Variants in BCAS3 observed in about 807,000 individuals in gnomAD.
BCAS3 encodes the protein BCAS3 microtubule associated cell migration factor.
In BCAS3, 53 loss-of-function variants were observed where a neutral mutation model predicts 116.1. The observed-to-expected ratio is 0.46, with a 90% confidence interval of 0.37 to 0.57. BCAS3 has a LOEUF of 0.57. Among genes scored for constraint, BCAS3 ranks in the 20% least tolerant of loss-of-function variants. The pLI is 0.00. For missense variants in BCAS3, 917 were observed against 1,165.4 expected (o/e 0.79, Z 3.10); for synonymous variants, 391 against 408.2 (o/e 0.96, Z 0.51).
At chr17:61,176,525 C>CTATT (rs139505219) in intron 22 of BCAS3, among the ~76,000 whole-genome samples, 8,402 of 145,524 alleles carry the variant, frequency 0.058, 279 homozygotes, top group South Asian at 0.12. Flanking sequence ...TGTGTAATGT[C>CTATT]TATTTATTTA....
intron 15 of BCAS3, among the ~76,000 whole-genome samples, chr17:61,011,511 C>G (rs1196969564): frequency 9.9e-5 from 15 of 152,182 alleles, no homozygotes; most frequent in African/African-American, 3.6e-4. Flanking sequence ...CATCTGGCAA[C>G]CTTCTGAAGT....
intron 22 of BCAS3, among the ~76,000 whole-genome samples, chr17:61,298,799 T>C (rs1308696434): frequency 7.4e-6 from 1 of 134,830 alleles, no homozygotes; most frequent in African/African-American, 3.1e-5. Context: ...CCATTATTTA[T>C]TTATTTATTT....
At chr17:60,766,303 G>A (rs1258250391) in intron 6 of BCAS3, among the ~76,000 whole-genome samples, 1 of 152,126 alleles carries the variant, frequency 6.6e-6, no homozygotes, top group Non-Finnish European at 1.5e-5. Flanking sequence ...TTCTGCTCTG[G>A]TTTCTCCCCA....
chr17:61,368,479 G>A lies in BCAS3; in HGVS notation c.2578G>A (p.Val860Met), dbSNP rs746590680. ...AMAESPSRDV[V>M]GSGTELQREG... ...GGCCGAGTCACCTAGCCGGGACGTC[G>A]TGGGATCCGGAACAGGTAAAGGTGT... is the stretch of plus-strand genomic sequence containing the variant. The change falls in exon 23 of 24, where the codon GTG becomes ATG. Residue 860 changes from valine (V) to methionine (M), a missense_variant. Physicochemically the swap from Val to Met is conservative, Grantham distance 21. Coordinates refer to ENST00000407086, the MANE Select transcript of BCAS3 (RefSeq NM_017679.5). The surrounding 1 kb of genome is among the most constrained non-coding windows in gnomAD (Gnocchi z 6.0). 55 of 1,606,878 alleles carry A rather than the reference G, an allele frequency of 3.4e-5. 1 individual carries two copies. In the Middle Eastern group the frequency reaches 6.6e-4, roughly 19 times the overall value.
In BCAS3 at chr17:61,056,611, G is replaced by A. The variant is rs1232482013; in HGVS notation, c.2029+15719G>A. ...AGAACTTACTGATGTTGTGTTTATT[G>A]TTATATATACTGGCTTGTTTATTTT... On this transcript the variant is annotated intron_variant, in intron 19 of 23. Transcript: ENST00000407086. The surrounding 1 kb of genome is among the most constrained non-coding windows in gnomAD (Gnocchi z 4.9). Among the ~76,000 whole-genome samples the A allele has an allele frequency of 1.3e-5, 2 of 152,034 alleles. No individual in the cohort carries two copies. Among genetic ancestry groups the A allele is most frequent in the Admixed American group, 6.6e-5 (1 of 15,258 alleles).
chr17:61,117,985 A>G (rs2075576485), intron 22 of BCAS3, among the ~76,000 whole-genome samples: 1 of 152,090 alleles, frequency 6.6e-6, no homozygotes, highest in African/African-American at 2.4e-5. Flanking sequence ...TTGTCAGATA[A>G]TTTTAGGATC....
Position 60,990,629 on chromosome 17 carries a change from T to C in BCAS3, c.1486+394T>C, listed in dbSNP as rs915421448. On this transcript the variant is annotated intron_variant, in intron 15 of 23. Coordinates refer to ENST00000407086, the MANE Select transcript of BCAS3 (RefSeq NM_017679.5). The surrounding 1 kb of genome is among the most constrained non-coding windows in gnomAD (Gnocchi z 5.1). The stretch of plus-strand genomic sequence containing the variant: ...AAGAAATAGTCATGGGTAATGTGTA[T>C]TTTAGATAGAGCAGCATTTGCTTTT... Among the ~76,000 whole-genome samples the C allele has an allele frequency of 6.6e-6, 1 of 152,138 alleles. No individual in the cohort carries two copies. The highest frequency in any genetic ancestry group is 1.5e-5 in the Non-Finnish European group (1 of 68,022).
intron 7 of BCAS3, among the ~76,000 whole-genome samples, chr17:60,826,511 A>G (rs374559402): frequency 9.2e-5 from 14 of 152,118 alleles, no homozygotes; most frequent in South Asian, 8.3e-4. Flanking sequence ...ATTTTGGGGG[A>G]CACATTCAGA....
rs2058514922 is a variant in BCAS3, at chr17:61,362,664, C to G, written c.2426-5663C>G. 2 of 152,188 alleles carry G rather than the reference C, an allele frequency of 1.3e-5. No homozygotes were observed. The highest frequency in any genetic ancestry group is 1.3e-4 in the Admixed American group (2 of 15,262). 9.4% of individuals were successfully genotyped at this position (152,188 alleles called of 1,614,324 possible). A position where few individuals can be genotyped will look rare whatever the true frequency, so the allele number is the denominator to read the frequency against. On this transcript the variant is annotated intron_variant, in intron 22 of 23. Transcript: ENST00000407086. This position sits in a 1 kb window ranked among gnomAD's most constrained non-coding sequence, Gnocchi z 4.4. ...GGTTTGTGAAACCCAAGAACCTGAC[C>G]CATTTCTCCTCTGGGGAAAGAGTAT...
chr17:61,313,657 G>A lies in BCAS3; in HGVS notation c.2426-54670G>A, dbSNP rs534258330. ...CCCTCGGGTCCTGCTCGCTGAAGAGGTACAGCATCTGGAGGAGGACTTTCC... is the reference window on the plus strand; with the variant it reads ...CCCTCGGGTCCTGCTCGCTGAAGAGATACAGCATCTGGAGGAGGACTTTCC... On this transcript the variant is annotated intron_variant, in intron 22 of 23. Transcript: ENST00000407086. The surrounding 1 kb of genome is among the most constrained non-coding windows in gnomAD (Gnocchi z 4.3). 6.4e-4 allele frequency among the ~76,000 whole-genome samples: 97 copies of A among 152,326 alleles called. No individual in the cohort carries two copies. Among genetic ancestry groups the A allele is most frequent in the Admixed American group, 1.3e-3 (20 of 15,304 alleles).
At chr17:61,154,159 GT>G (rs1283142934) in intron 22 of BCAS3, among the ~76,000 whole-genome samples, 1 of 151,996 alleles carries the variant, frequency 6.6e-6, no homozygotes, top group Non-Finnish European at 1.5e-5. Context: ...CTTTTCCCTT[GT>G]TTTGTTTTGA....
Position 60,710,644 on chromosome 17 carries a change from G to A in BCAS3, c.321+1319G>A, listed in dbSNP as rs1021951214. 2.0e-5 allele frequency among the ~76,000 whole-genome samples: 3 copies of A among 151,826 alleles called. No homozygotes were observed. The East Asian group carries it at 5.9e-4, about 30-fold the overall frequency. ...GATGGGGTTTCACCACGTTAGCCAG[G>A]ATGATCTTGATCTGCTGACCTCGTG... On this transcript the variant is annotated intron_variant, in intron 5 of 23. Coordinates refer to ENST00000407086, the MANE Select transcript of BCAS3 (RefSeq NM_017679.5).
intron 6 of BCAS3, among the ~76,000 whole-genome samples, chr17:60,760,329 G>T (rs1057434538): frequency 2.0e-5 from 3 of 152,024 alleles, no homozygotes; most frequent in Admixed American, 6.6e-5. Context: ...TAGGGTATGT[G>T]TTATTCTTTT....
intron 15 of BCAS3, among the ~76,000 whole-genome samples, chr17:61,009,236 T>C (rs1315391642): frequency 6.6e-6 from 1 of 152,070 alleles, no homozygotes; most frequent in Non-Finnish European, 1.5e-5. Flanking sequence ...TTAGCTCTTT[T>C]TGCAAATGAA....
chr17:61,341,814 A>C (rs2057177425), intron 22 of BCAS3, among the ~76,000 whole-genome samples: 1 of 152,252 alleles, frequency 6.6e-6, no homozygotes, highest in Non-Finnish European at 1.5e-5. Context: ...AAAATATCTT[A>C]AAGTCAGTAG....
intron 22 of BCAS3, among the ~76,000 whole-genome samples, chr17:61,120,533 T>C (rs2075731851): frequency 6.6e-6 from 1 of 152,086 alleles, no homozygotes. Flanking sequence ...TTCAAATATA[T>C]GCAGATATAG....
In BCAS3 at chr17:61,349,395, G is replaced by A. The variant is rs185053684; in HGVS notation, c.2426-18932G>A. ...TGTCATGAATCCCTCAGATGTGTGG[G>A]ATGGAAATGCTAACCCACTGACCGA... On this transcript the variant is annotated intron_variant, in intron 22 of 23. Transcript: ENST00000407086. This position sits in a 1 kb window ranked among gnomAD's most constrained non-coding sequence, Gnocchi z 4.7. Among the ~76,000 whole-genome samples the A allele has an allele frequency of 1.2e-4, 19 of 152,288 alleles. No individual in the cohort carries two copies. Among genetic ancestry groups the A allele is most frequent in the African/African-American group, 4.6e-4 (19 of 41,560 alleles).
intron 2 of BCAS3, among the ~76,000 whole-genome samples, chr17:60,682,130 G>A (rs142366028): frequency 3.9e-5 from 6 of 152,280 alleles, no homozygotes; most frequent in Non-Finnish European, 7.3e-5. Flanking sequence ...ATTGTGCACC[G>A]TGTACTACAA....
intron 22 of BCAS3, among the ~76,000 whole-genome samples, chr17:61,090,924 G>A (rs1037151183): frequency 2.6e-5 from 4 of 152,148 alleles, no homozygotes; most frequent in African/African-American, 9.7e-5. Context: ...CAAAGTGCTG[G>A]GATTACAGGC....
Sources: gnomAD v4.1 joint callset for allele counts (sites outside exome capture counted in the v4.1 genomes callset) on GRCh38, gnomAD v4.1.1 for gene constraint, Gnocchi (gnomAD v3.1) non-coding constraint, MANE v1.5 for transcripts, NCBI Gene and HGNC (gene_info 2026-07-23, HGNC 2026-07-21) for gene names.